The following C12orf42 variants were observed in gnomAD, a reference collection of about 807,000 sequenced individuals.
C12orf42 encodes uncharacterized protein C12orf42.
A neutral mutation model predicts 21.6 loss-of-function variants in C12orf42; 25 were observed. The ratio of observed to expected loss-of-function variants is 1.16; its 90% CI spans 0.84 to 1.62. The LOEUF (loss-of-function observed/expected upper bound fraction) is 1.62, where lower values mean the gene tolerates loss of function less well. C12orf42 is among the 40% of genes most tolerant of loss of function. C12orf42 has a pLI of 0.00. For missense variants in C12orf42, 483 were observed against 459.3 expected (o/e 1.05, Z -0.47); for synonymous variants, 174 against 175.0 (o/e 0.99, Z 0.05).
chr12:103,501,769 T>G, the C12orf42 span, among the ~76,000 whole-genome samples: 1 of 152,178 alleles, frequency 6.6e-6, no homozygotes, highest in African/African-American at 2.4e-5. Context: ...AAGCACCATT[T>G]GGGTTGGTTT....
intron 4 of C12orf42, among the ~76,000 whole-genome samples, chr12:103,307,867 G>A (rs1397019921): frequency 6.6e-6 from 1 of 152,122 alleles, no homozygotes; most frequent in Admixed American, 6.5e-5. Context: ...GGGATGAAAA[G>A]ATGCAAGATT....
downstream of C12orf42, among the ~76,000 whole-genome samples, chr12:103,266,233 C>G (rs1593241124): frequency 6.6e-6 from 1 of 152,038 alleles, no homozygotes; most frequent in African/African-American, 2.4e-5. Context: ...TACCAGCACT[C>G]CAAGAACTAG....
intron 4 of C12orf42, among the ~76,000 whole-genome samples, chr12:103,312,569 A>T (rs975840588): frequency 1.3e-5 from 2 of 152,206 alleles, no homozygotes; most frequent in Admixed American, 1.3e-4. Context: ...AACATTCTTA[A>T]CCGTGTCCTC....
At chr12:103,306,436 C>T in intron 4 of C12orf42, 91 bp from the exon 5 acceptor site, 2 of 1,427,434 alleles carry the variant, frequency 1.4e-6, no homozygotes, top group Non-Finnish European at 1.9e-6. Context: ...AATATGTAAA[C>T]TTTTGGTTGT....
chr12:103,551,222 A>AT, the C12orf42 span, among the ~76,000 whole-genome samples: 31,982 of 151,916 alleles, frequency 0.21, 3,551 homozygotes, highest in East Asian at 0.39. Context: ...GTTGATTCTG[A>AT]TTCAATACCA....
At chr12:103,381,094 C>T (rs1051507856) in intron 3 of C12orf42, among the ~76,000 whole-genome samples, 24 of 152,208 alleles carry the variant, frequency 1.6e-4, no homozygotes, top group African/African-American at 4.3e-4. Context: ...CTCATTCTGA[C>T]ACTATCCTGA....
the C12orf42 span, among the ~76,000 whole-genome samples, chr12:103,527,934 G>T: frequency 6.6e-6 from 1 of 152,188 alleles, no homozygotes; most frequent in Non-Finnish European, 1.5e-5. Context: ...TTTAGACAAT[G>T]GGATAAGTAA....
At chr12:103,481,100 CATTTT>C (rs1954439881) in intron 1 of C12orf42, among the ~76,000 whole-genome samples, 1 of 151,650 alleles carries the variant, frequency 6.6e-6, no homozygotes, top group Non-Finnish European at 1.5e-5. Context: ...CTTAATAAAT[CATTTT>C]ATTATATAGC....
chr12:103,474,672 AT>A (rs1329787211), intron 2 of C12orf42, among the ~76,000 whole-genome samples: 4 of 152,168 alleles, frequency 2.6e-5, no homozygotes, highest in Admixed American at 1.3e-4. Context: ...ACCACTTTTG[AT>A]TAATTAAATC....
In C12orf42 at chr12:103,483,547, C is replaced by T. The variant is rs148079824; in HGVS notation, c.-21-5100G>A. Among the ~76,000 whole-genome samples, 5 of 152,088 alleles carry T rather than the reference C, an allele frequency of 3.3e-5. No individual in the cohort carries two copies. In the East Asian group the frequency reaches 7.7e-4, roughly 24 times the overall value. ...ATTTATGAGAGCTGGCTTGTAGTTA[C>T]GAAAATTATGGTTACGATTTTTCTT... On this transcript the variant is annotated intron_variant, in intron 1 of 5. Coordinates refer to ENST00000548883, the MANE Select transcript of C12orf42 (RefSeq NM_198521.5).
At chr12:103,432,519 C>A (rs775414889) in intron 2 of C12orf42, among the ~76,000 whole-genome samples, 17 of 152,106 alleles carry the variant, frequency 1.1e-4, no homozygotes, top group Non-Finnish European at 1.8e-4. Context: ...TCATGACATA[C>A]AATAGGAGGT....
chr12:103,089,059 G>T, the C12orf42 span, among the ~76,000 whole-genome samples: 3 of 124,668 alleles, frequency 2.4e-5, no homozygotes, highest in African/African-American at 9.5e-5. Context: ...CTGAGATCGC[G>T]CCACTGCACT....
Position 103,286,253 on chromosome 12 carries a change from A to AAAATAAAT in C12orf42, n.338-9051_338-9044dup, listed in dbSNP as rs200130397. ...GTGACAGAGCAAGACTCCATCTCAAAAAATAAATAAATAAATAAATAAATA... is the reference window on the plus strand; with the variant it reads ...GTGACAGAGCAAGACTCCATCTCAAAAAATAAATAAATAAATAAATAAATAAATAAATA... On this transcript the variant is annotated intron_variant and non_coding_transcript_variant, in intron 4 of 6. Coordinates refer to the C12orf42 transcript ENST00000546526. 2.4e-3 allele frequency among the ~76,000 whole-genome samples: 354 copies of AAAATAAAT among 146,008 alleles called. 1 individual carries two copies. Among genetic ancestry groups the AAAATAAAT allele is most frequent in the African/African-American group, 4.0e-3 (157 of 39,042 alleles).
the C12orf42 span, among the ~76,000 whole-genome samples, chr12:103,177,330 T>A: frequency 6.6e-6 from 1 of 152,154 alleles, no homozygotes; most frequent in Non-Finnish European, 1.5e-5. Context: ...CAAAATGCTC[T>A]CCACAATCTA....
At chr12:103,207,692 G>A in the C12orf42 span, among the ~76,000 whole-genome samples, 4 of 152,248 alleles carry the variant, frequency 2.6e-5, no homozygotes, top group East Asian at 1.9e-4. Flanking sequence ...TTCTTGCCCC[G>A]ACACCTGAAA....
At chr12:103,174,918 T>C in the C12orf42 span, among the ~76,000 whole-genome samples, 6 of 152,186 alleles carry the variant, frequency 3.9e-5, no homozygotes, top group Non-Finnish European at 8.8e-5. Context: ...AGTTACTTCA[T>C]GTATCCAGCG....
the C12orf42 span, among the ~76,000 whole-genome samples, chr12:103,126,132 C>T: frequency 3.0e-4 from 46 of 152,160 alleles, no homozygotes; most frequent in Non-Finnish European, 5.3e-4. Context: ...AGTTGTGTCC[C>T]GGCTAGGGTG....
chr12:103,536,170 G>T, the C12orf42 span, among the ~76,000 whole-genome samples: 1 of 152,178 alleles, frequency 6.6e-6, no homozygotes, highest in Non-Finnish European at 1.5e-5. Flanking sequence ...CAGTTGTGGG[G>T]ACTGGTTAGA....
chr12:103,237,214 G>C (rs1172860190), downstream of C12orf42, among the ~76,000 whole-genome samples: 4 of 152,154 alleles, frequency 2.6e-5, no homozygotes, highest in Admixed American at 1.3e-4. Context: ...CTCAATATCA[G>C]TGTTGGCTGC....
Sources: allele counts gnomAD v4.1 joint callset (sites outside exome capture counted in the v4.1 genomes callset), GRCh38; gene constraint gnomAD v4.1.1; transcripts MANE v1.5; gene names NCBI Gene and HGNC (gene_info 2026-07-23, HGNC 2026-07-21).